PITPNM2: variants seen among roughly 807,000 people sequenced by gnomAD.
PITPNM2 encodes the protein phosphatidylinositol transfer protein membrane associated 2.
In PITPNM2, 35 loss-of-function variants were observed where a neutral mutation model predicts 132.2. The observed-to-expected ratio is 0.26, with a 90% CI of 0.20 to 0.35. The LOEUF (loss-of-function observed/expected upper bound fraction) is 0.35, where lower values mean the gene tolerates loss of function less well. Among genes scored for constraint, PITPNM2 ranks in the 10% least tolerant of loss-of-function variants. PITPNM2 has a pLI of 1.00. For missense variants in PITPNM2, 1,332 were observed against 1,912.0 expected (o/e 0.70, Z 5.66); for synonymous variants, 738 against 799.2 (o/e 0.92, Z 1.29).
intron 2 of PITPNM2, among the ~76,000 whole-genome samples, chr12:123,109,911 G>A (rs904913886): frequency 6.6e-5 from 10 of 152,182 alleles, no homozygotes; most frequent in South Asian, 2.1e-4. Flanking sequence ...TTGCAAAAGC[G>A]TAATCAATAA....
rs562375957 is a variant in PITPNM2, at chr12:123,062,640, T to C, written c.-95-27955A>G. Among the ~76,000 whole-genome samples the C allele has an allele frequency of 1.0e-3, 157 of 152,244 alleles. 1 individual carries two copies. Among genetic ancestry groups the C allele is most frequent in the Middle Eastern group, 6.8e-3 (2 of 294 alleles). On this transcript the variant is annotated intron_variant, in intron 2 of 25. Transcript: ENST00000320201. ...CAGCAGCATCCAATAAACAAATACATTGAACTCTCTGCAGTGAAAGACATG... is the reference window on the plus strand; with the variant it reads ...CAGCAGCATCCAATAAACAAATACACTGAACTCTCTGCAGTGAAAGACATG...
At chr12:123,101,225 C>T (rs1381925991) in intron 2 of PITPNM2, among the ~76,000 whole-genome samples, 2 of 152,220 alleles carry the variant, frequency 1.3e-5, no homozygotes, top group South Asian at 2.1e-4. Context: ...AAAACACACA[C>T]TTATGACCTC....
At chr12:122,989,996 A>G in intron 17 of PITPNM2, 48 bp from the exon 18 acceptor site, 2 of 1,280,918 alleles carry the variant, frequency 1.6e-6, no homozygotes, top group South Asian at 2.7e-5. Context: ...GGATGACCGC[A>G]CTGCCACGTC....
chr12:123,047,408 GTCTTGGT>G (rs957029898), intron 2 of PITPNM2, among the ~76,000 whole-genome samples: 4 of 152,118 alleles, frequency 2.6e-5, no homozygotes, highest in Admixed American at 6.5e-5. Flanking sequence ...AAATACAGGC[GTCTTGGT>G]TCCAGCCCAA....
chr12:123,054,996 G>A (rs1047138168), intron 2 of PITPNM2, among the ~76,000 whole-genome samples: 4 of 152,280 alleles, frequency 2.6e-5, no homozygotes, highest in Non-Finnish European at 5.9e-5. Context: ...TCCGGGAGCA[G>A]AGGCTGAAGT....
intron 8 of PITPNM2, among the ~76,000 whole-genome samples, chr12:123,002,621 T>C (rs899516112): frequency 6.6e-6 from 1 of 152,210 alleles, no homozygotes; most frequent in Non-Finnish European, 1.5e-5. Context: ...TTTCACTATG[T>C]TACCCTAGTT....
chr12:123,062,953 T>TGGGGAACACAGTCCAAAGAGATGAGTCA (rs2041295455), intron 2 of PITPNM2, among the ~76,000 whole-genome samples: 2 of 152,206 alleles, frequency 1.3e-5, no homozygotes, highest in South Asian at 2.1e-4. Context: ...CCTGTGACCT[T>TGGGGAACACAGTCCAAAGAGATGAGTCA]GGGGAACACA....
At chr12:123,054,828 C>T (rs967486851) in intron 2 of PITPNM2, among the ~76,000 whole-genome samples, 1 of 152,176 alleles carries the variant, frequency 6.6e-6, no homozygotes, top group African/African-American at 2.4e-5. Flanking sequence ...CTTTGGGAGG[C>T]CAAGGCGACA....
Position 122,992,376 on chromosome 12 carries a change from G to T in PITPNM2, c.2404+123C>A. 9.2e-7 allele frequency: 1 copy of T among 1,091,942 alleles called. No homozygotes were observed. The highest frequency in any genetic ancestry group is 1.3e-6 in the Non-Finnish European group (1 of 788,710). The allele number at this position is 1,091,942 out of a possible 1,614,324, so 67.6% of individuals were successfully genotyped here. On this transcript the variant is annotated intron_variant, in intron 16 of 25. Transcript: ENST00000320201. This position sits in a 1 kb window ranked among gnomAD's most constrained non-coding sequence, Gnocchi z 6.5. ...CCCAACAGCTGTCCACCTCCAAGAG[G>T]CATTCAGCACAAGCTGTCCCTCTCA...
chr12:123,125,010 T>G, intron 1 of PITPNM2, among the ~76,000 whole-genome samples: 1 of 152,166 alleles, frequency 6.6e-6, no homozygotes. Context: ...CCAGATGGAG[T>G]GCAGCGGTGA....
chr12:122,990,233 G>A (rs1361655875), intron 17 of PITPNM2, among the ~76,000 whole-genome samples: 1 of 152,276 alleles, frequency 6.6e-6, no homozygotes, highest in Non-Finnish European at 1.5e-5. Context: ...AGCACCAAGA[G>A]GCTTCATGCA....
chr12:122,997,053 G>A (rs1429610845), intron 11 of PITPNM2, 143 bp from the exon 12 acceptor site: 11 of 967,852 alleles, frequency 1.1e-5, no homozygotes, highest in African/African-American at 5.0e-5. Context: ...AGGCTTGGGG[G>A]ACCAGGGTGG....
chr12:123,098,219 G>A (rs2042461093), intron 2 of PITPNM2, among the ~76,000 whole-genome samples: 1 of 152,190 alleles, frequency 6.6e-6, no homozygotes, highest in African/African-American at 2.4e-5. Context: ...CACAGGCTCT[G>A]GGAGATGCTC....
Position 123,001,168 on chromosome 12 carries a change from A to G in PITPNM2, c.1049-10T>C. 1.2e-6 allele frequency: 2 copies of G among 1,610,138 alleles called. No individual in the cohort carries two copies. The highest frequency in any genetic ancestry group is 2.7e-5 in the African/African-American group (2 of 74,934). On this transcript the variant is annotated splice_polypyrimidine_tract_variant and intron_variant, in intron 8 of 25. Transcript: ENST00000320201. The stretch of plus-strand genomic sequence containing the variant: ...GTGTCGGACAGGTCCTCTGGAGAGG[A>G]GAGAGGGAAACTCAGGTGGGACTGG...
At chr12:123,075,413 G>C (rs1370438352) in intron 2 of PITPNM2, among the ~76,000 whole-genome samples, 1 of 152,228 alleles carries the variant, frequency 6.6e-6, no homozygotes, top group Non-Finnish European at 1.5e-5. Flanking sequence ...AGCCTGGGTG[G>C]TGGATTCCAC....
At chr12:123,053,885 T>C (rs2040939507) in intron 2 of PITPNM2, among the ~76,000 whole-genome samples, 2 of 152,174 alleles carry the variant, frequency 1.3e-5, no homozygotes, top group African/African-American at 4.8e-5. Flanking sequence ...ACTATCAGGA[T>C]ATTGACATTG....
Position 123,108,560 on chromosome 12 carries a change from A to C in PITPNM2, c.-96+1825T>G, listed in dbSNP as rs562040323. Among the ~76,000 whole-genome samples, 4 of 152,296 alleles carry C rather than the reference A, an allele frequency of 2.6e-5. No homozygotes were observed. The East Asian group carries it at 7.7e-4, about 29-fold the overall frequency. On this transcript the variant is annotated intron_variant, in intron 2 of 25. Coordinates refer to ENST00000320201, the MANE Select transcript of PITPNM2 (RefSeq NM_020845.3). The surrounding 1 kb of genome is among the most constrained non-coding windows in gnomAD (Gnocchi z 4.4). ...CCCGAGTGACCCCTGGAGAAGCTGCAAGTCAGGGCTGAGTGTTACTATGTG... is the reference window on the plus strand; with the variant it reads ...CCCGAGTGACCCCTGGAGAAGCTGCCAGTCAGGGCTGAGTGTTACTATGTG...
chr12:123,151,252 C>T (rs2043744105), upstream of PITPNM2, among the ~76,000 whole-genome samples: 1 of 151,086 alleles, frequency 6.6e-6, no homozygotes, highest in Admixed American at 6.6e-5. Flanking sequence ...TCGGGCAGCC[C>T]GCCTGGTTCC....
At chr12:123,109,866 T>C (rs2042799924) in intron 2 of PITPNM2, among the ~76,000 whole-genome samples, 1 of 152,192 alleles carries the variant, frequency 6.6e-6, no homozygotes. Context: ...AGGCAGAACA[T>C]CGGTCTTTCG....
Sources: gnomAD v4.1 joint callset for allele counts (sites outside exome capture counted in the v4.1 genomes callset) on GRCh38, gnomAD v4.1.1 for gene constraint, Gnocchi (gnomAD v3.1) non-coding constraint, MANE v1.5 for transcripts, NCBI Gene and HGNC (gene_info 2026-07-23, HGNC 2026-07-21) for gene names.